C4orf51: variants seen among roughly 807,000 people sequenced by gnomAD.
The protein encoded by C4orf51 is chromosome 4 open reading frame 51, also known as uncharacterized protein C4orf51.
A neutral mutation model predicts 25.2 loss-of-function variants in C4orf51; 25 were observed. The observed-to-expected ratio is 0.99, with a 90% CI of 0.72 to 1.39. C4orf51 has a LOEUF of 1.39. Ranked by LOEUF, C4orf51 falls within the 40% of genes most tolerant of loss-of-function variation. The pLI is 0.00. For missense variants in C4orf51, 252 were observed against 239.6 expected, an observed-to-expected ratio of 1.05 and a Z score of -0.34; for synonymous variants, 100 against 84.5, an observed-to-expected ratio of 1.18 and a Z score of -1.01.
chr4:145,769,931 T>C (rs1486430188), intron 1 of C4orf51, among the ~76,000 whole-genome samples: 1 of 152,240 alleles, frequency 6.6e-6, no homozygotes, highest in Non-Finnish European at 1.5e-5. Flanking sequence ...TGTTACATTT[T>C]AGAGTACTTT....
At chr4:145,779,264 C>T in the C4orf51 span, 7 of 1,393,836 alleles carry the variant, frequency 5.0e-6, no homozygotes, top group South Asian at 1.1e-4. Context: ...AAAGGTCAGC[C>T]ATTCCCAGCA....
At chr4:145,791,780 T>G in the C4orf51 span, among the ~76,000 whole-genome samples, 1 of 152,240 alleles carries the variant, frequency 6.6e-6, no homozygotes, top group African/African-American at 2.4e-5. Context: ...TAATTTCATT[T>G]AACTCTCTTA....
intron 4 of C4orf51, among the ~76,000 whole-genome samples, chr4:145,729,543 C>T (rs1320089883): frequency 3.3e-5 from 5 of 152,086 alleles, no homozygotes; most frequent in Non-Finnish European, 5.9e-5. Context: ...CCTTGTGATC[C>T]TCCCTCCTTG....
the C4orf51 span, chr4:145,779,228 T>A: frequency 2.7e-6 from 3 of 1,123,662 alleles, no homozygotes; most frequent in African/African-American, 1.6e-5. Context: ...AGGTCTTCTT[T>A]AAACATGCCA....
At chr4:145,746,651 C>T (rs1419758305) in intron 1 of C4orf51, among the ~76,000 whole-genome samples, 3 of 151,952 alleles carry the variant, frequency 2.0e-5, no homozygotes, top group Admixed American at 6.6e-5. Flanking sequence ...TAATGTAATT[C>T]CTCTAGTTTT....
intron 1 of C4orf51, among the ~76,000 whole-genome samples, chr4:145,766,646 G>T (rs1260496395): frequency 1.3e-5 from 2 of 152,084 alleles, no homozygotes; most frequent in East Asian, 1.9e-4. Context: ...ACACAGAGAG[G>T]GTCCCCCTTG....
At chr4:145,781,099 G>C in the C4orf51 span, among the ~76,000 whole-genome samples, 3 of 150,296 alleles carry the variant, frequency 2.0e-5, no homozygotes, top group South Asian at 2.1e-4. Flanking sequence ...AGGAGGCTGA[G>C]GCAGAAGAAT....
intron 2 of C4orf51, among the ~76,000 whole-genome samples, chr4:145,703,016 A>G (rs1187478504): frequency 1.3e-5 from 2 of 151,036 alleles, no homozygotes; most frequent in Admixed American, 6.6e-5. Flanking sequence ...CTTCAACACT[A>G]TTTTGTTTTA....
chr4:145,746,064 T>A (rs1290725761), intron 1 of C4orf51, among the ~76,000 whole-genome samples: 2 of 152,178 alleles, frequency 1.3e-5, no homozygotes, highest in African/African-American at 4.8e-5. Flanking sequence ...AAAATCAGAT[T>A]ATTATAATTT....
intron 1 of C4orf51, among the ~76,000 whole-genome samples, chr4:145,685,347 T>G (rs1729082869): frequency 6.6e-6 from 1 of 152,188 alleles, no homozygotes; most frequent in Non-Finnish European, 1.5e-5. Flanking sequence ...GTTTTCTGAC[T>G]GTAGTAGGAC....
intron 2 of C4orf51, among the ~76,000 whole-genome samples, chr4:145,721,370 C>T (rs1397220986): frequency 6.7e-6 from 1 of 149,486 alleles, no homozygotes; most frequent in Admixed American, 6.6e-5. Context: ...AAAGATCACA[C>T]TGGCCACCAA....
At chr4:145,774,384 T>C, downstream of C4orf51, 1 of 1,136,360 alleles carries the variant, frequency 8.8e-7, no homozygotes, top group South Asian at 1.6e-5. Context: ...GGAAAGTCCT[T>C]CCTTCCATGG....
At chr4:145,723,288 C>T (rs1038710386) in intron 2 of C4orf51, among the ~76,000 whole-genome samples, 2 of 152,148 alleles carry the variant, frequency 1.3e-5, no homozygotes, top group Non-Finnish European at 1.5e-5. Flanking sequence ...GTACATACAA[C>T]TTAAGGCTGC....
At chr4:145,732,421 C>A in intron 5 of C4orf51, 32 bp from the exon 6 acceptor site, 1 of 1,395,922 alleles carries the variant, frequency 7.2e-7, no homozygotes, top group Non-Finnish European at 1.0e-6. Context: ...TGCGGATGAG[C>A]GAGTGTTGAC....
At chr4:145,733,241 G>GC (rs1349978962), downstream of C4orf51, among the ~76,000 whole-genome samples, 3 of 151,964 alleles carry the variant, frequency 2.0e-5, no homozygotes, top group Non-Finnish European at 4.4e-5. Flanking sequence ...TTCCTCCACG[G>GC]CCCACCTCTT....
chr4:145,690,856 T>C (rs1054185451), intron 1 of C4orf51, among the ~76,000 whole-genome samples: 1 of 151,956 alleles, frequency 6.6e-6, no homozygotes, highest in African/African-American at 2.4e-5. Context: ...ATCCCAGTAT[T>C]TTGAAAGGCC....
rs1462459423 is a variant in C4orf51, at chr4:145,761,713, C to T, written n.167-9275C>T. 3 of 624,572 alleles carry T rather than the reference C, an allele frequency of 4.8e-6. No homozygotes were observed. Among genetic ancestry groups the T allele is most frequent in the Admixed American group, 3.6e-5 (1 of 27,974 alleles). The allele number at this position is 624,572 out of a possible 1,614,324, so 38.7% of individuals were successfully genotyped here. ...CACCCCCCAGTGTCTGAGGCCTGGC[C>T]TGCCCAGCCCAGCCCAGCCCTGCCG... On this transcript the variant is annotated intron_variant and non_coding_transcript_variant, in intron 1 of 1. Transcript: ENST00000510096. The surrounding 1 kb of genome is among the most constrained non-coding windows in gnomAD (Gnocchi z 6.8).
intron 1 of C4orf51, among the ~76,000 whole-genome samples, chr4:145,743,950 A>G (rs994045061): frequency 6.6e-6 from 1 of 152,154 alleles, no homozygotes; most frequent in Non-Finnish European, 1.5e-5. Flanking sequence ...CCACAGTTAG[A>G]ATCTGTCATT....
chr4:145,706,787 T>G (rs6832318), intron 2 of C4orf51, among the ~76,000 whole-genome samples: 92,061 of 148,962 alleles, frequency 0.62, 29,551 homozygotes, highest in African/African-American at 0.8. Flanking sequence ...ACTACAAGGT[T>G]CCCACCACCA....
Sources: allele counts gnomAD v4.1 joint callset (sites outside exome capture counted in the v4.1 genomes callset), GRCh38; gene constraint gnomAD v4.1.1; non-coding constraint Gnocchi (gnomAD v3.1); transcripts MANE v1.5; gene names NCBI Gene and HGNC (gene_info 2026-07-23, HGNC 2026-07-21).